CELF5: variants seen among roughly 807,000 people sequenced by gnomAD.
CELF5 encodes CUGBP Elav-like family member 5, also known as CUG-BP and ETR-3 like factor 5.
Under a neutral mutation model 54.9 loss-of-function variants are expected in CELF5, and 6 were observed. The ratio of observed to expected loss-of-function variants is 0.11; its 90% CI spans 0.06 to 0.22. The LOEUF is 0.22. Among genes scored for constraint, CELF5 ranks in the 10% least tolerant of loss-of-function variants. The pLI, the probability that CELF5 is intolerant of heterozygous loss-of-function variation, is 1.00. For synonymous variants in CELF5, 271 were observed against 290.9 expected (o/e 0.93, Z 0.70); for missense variants, 401 against 678.6 (o/e 0.59, Z 4.54).
chr19:3,239,076 A>G (rs1225063887), intron 1 of CELF5, among the ~76,000 whole-genome samples: 1 of 151,988 alleles, frequency 6.6e-6, no homozygotes, highest in South Asian at 2.1e-4. Context: ...CAGAGTGGCT[A>G]TATCTTTTTT....
At chr19:3,264,305 T>TG (rs948653185) in intron 2 of CELF5, among the ~76,000 whole-genome samples, 13 of 150,248 alleles carry the variant, frequency 8.7e-5, no homozygotes, top group Non-Finnish European at 1.3e-4. Flanking sequence ...CACTAGGTGT[T>TG]TTTTTTTTTT....
chr19:3,255,090 T>C (rs1418942549), intron 2 of CELF5, among the ~76,000 whole-genome samples: 3 of 152,178 alleles, frequency 2.0e-5, no homozygotes, highest in African/African-American at 7.2e-5. Flanking sequence ...ACTCCCATCA[T>C]CAGTTCTGTG....
intron 1 of CELF5, among the ~76,000 whole-genome samples, chr19:3,238,672 C>T (rs1447759554): frequency 6.6e-6 from 1 of 152,122 alleles, no homozygotes; most frequent in Admixed American, 6.5e-5. Context: ...TGGCTCACGC[C>T]TGTAATCCCA....
At chr19:3,233,708 G>A (rs757965508) in intron 1 of CELF5, among the ~76,000 whole-genome samples, 2 of 152,174 alleles carry the variant, frequency 1.3e-5, no homozygotes, top group African/African-American at 2.4e-5. Context: ...GGCAGAGAGG[G>A]AGTCGCGCAG....
At chr19:3,296,299 TTAA>T (rs1464682924) in intron 12 of CELF5, 1 of 119,562 alleles carries the variant, frequency 8.4e-6, no homozygotes, top group East Asian at 2.7e-4. Context: ...GCCAGATAAC[TTAA>T]TAAGCTCAAA....
rs377539317 is a variant in CELF5 at position 3,251,070 on chromosome 19, G to A, written c.342+3G>A. On this transcript the variant is annotated splice_donor_region_variant and intron_variant, in intron 2 of 12. Transcript: ENST00000292672. ...ACGAGCAGAAGACCTTGCCCGGAGT[G>A]AGTCCTGTGTGGTGTCTGGGGAGGA... The A allele has an allele frequency of 1.9e-6, 3 of 1,612,862 alleles. No individual in the cohort carries two copies. Among genetic ancestry groups the A allele is most frequent in the African/African-American group, 2.7e-5 (2 of 74,906 alleles).
intron 11 of CELF5, 92 bp downstream of exon 11, chr19:3,290,466 G>C: frequency 1.4e-6 from 2 of 1,413,412 alleles, no homozygotes; most frequent in Non-Finnish European, 2.0e-6. Context: ...CTCGGGACAG[G>C]GCTGTGCTGA....
chr19:3,249,646 A>C (rs1266838664), intron 1 of CELF5, among the ~76,000 whole-genome samples: 1 of 149,250 alleles, frequency 6.7e-6, no homozygotes, highest in African/African-American at 2.5e-5. Context: ...CCCGCCCCTC[A>C]CCTCTCCTGA....
chr19:3,233,202 G>T (rs991484118), intron 1 of CELF5, among the ~76,000 whole-genome samples: 1 of 152,194 alleles, frequency 6.6e-6, no homozygotes, highest in Admixed American at 6.5e-5. Context: ...TGCGAGGATG[G>T]CTTGAGCCTG....
At chr19:3,293,138 C>T (rs1283843791) in intron 11 of CELF5, among the ~76,000 whole-genome samples, 181 bp from the exon 12 acceptor site, 1 of 152,140 alleles carries the variant, frequency 6.6e-6, no homozygotes, top group East Asian at 1.9e-4. Flanking sequence ...TATACAAGTC[C>T]AGAGGTGTCA....
intron 12 of CELF5, chr19:3,296,259 C>G (rs1337677032): frequency 6.8e-6 from 1 of 146,056 alleles, no homozygotes. Flanking sequence ...TTCGTTTGGA[C>G]ATCCGGCAAG....
chr19:3,245,912 G>A (rs1040854859), intron 1 of CELF5, among the ~76,000 whole-genome samples: 2 of 152,130 alleles, frequency 1.3e-5, no homozygotes, highest in African/African-American at 4.8e-5. Context: ...ACATTTAAAA[G>A]GTTGGCAAAA....
Position 3,282,357 on chromosome 19 carries a change from C to A in CELF5, c.898C>A (p.His300Asn). The A allele has an allele frequency of 6.2e-7, 1 of 1,609,394 alleles. No homozygotes were observed. Among genetic ancestry groups the A allele is most frequent in the Non-Finnish European group, 8.5e-7 (1 of 1,179,944 alleles). Residue 300 changes from histidine (H) to asparagine (N), a missense_variant, in exon 8 of 13, where the codon CAC becomes AAC. His to Asn is a moderately conservative substitution (Grantham distance 68). This residue lies in a region of CELF5 where 143 missense variants were observed against 147.6 expected (regional missense o/e 0.97). Coordinates refer to ENST00000292672, the MANE Select transcript of CELF5 (RefSeq NM_021938.4). This position sits in a 1 kb window ranked among gnomAD's most constrained non-coding sequence, Gnocchi z 5.2. Reference sequence around the variant, plus strand: ...GACCCTCTTCCGCTCTGCAGGGCTGCACTCACCCCCGCTGCTGGGCACCAC... The same window carrying A: ...GACCCTCTTCCGCTCTGCAGGGCTGAACTCACCCCCGCTGCTGGGCACCAC... ...ATPIAPASGL[H>N]SPPLLGTTAV...
chr19:3,286,952 A>G (rs377018883), intron 10 of CELF5, among the ~76,000 whole-genome samples: 2 of 148,438 alleles, frequency 1.3e-5, no homozygotes, highest in Admixed American at 6.8e-5. Context: ...GGAGAATGGC[A>G]TGAACCCAGG....
rs1272670072 is a variant in CELF5, at chr19:3,293,462, C to T, written c.*16C>T. ...CCCCTACTGACCGCGCCCACAGCCG[C>T]CCTGAGGCTGTAGGCATGGCCCAGG... On this transcript the variant is annotated 3_prime_UTR_variant, in exon 12 of 13. Transcript: ENST00000292672. 1 of 1,613,580 alleles carries T rather than the reference C, an allele frequency of 6.2e-7. No individual in the cohort carries two copies. Among genetic ancestry groups the T allele is most frequent in the Admixed American group, 1.7e-5 (1 of 59,994 alleles).
intron 12 of CELF5, chr19:3,293,695 T>G: frequency 2.0e-6 from 1 of 491,838 alleles, no homozygotes; most frequent in Non-Finnish European, 3.7e-6. Flanking sequence ...AGGGTGGGAA[T>G]GGGGTAGGGA....
At chr19:3,250,713 G>C (rs1340801673) in intron 1 of CELF5, among the ~76,000 whole-genome samples, 1 of 152,142 alleles carries the variant, frequency 6.6e-6, no homozygotes. Context: ...CCTCCTAGGA[G>C]TGGAATCACA....
intron 2 of CELF5, among the ~76,000 whole-genome samples, chr19:3,269,682 C>T (rs2079930576): frequency 6.6e-6 from 1 of 152,206 alleles, no homozygotes; most frequent in Non-Finnish European, 1.5e-5. Flanking sequence ...CCCACCCATG[C>T]CCACAGTGCC....
chr19:3,259,577 C>T (rs1441426207), intron 2 of CELF5, among the ~76,000 whole-genome samples: 1 of 152,132 alleles, frequency 6.6e-6, no homozygotes, highest in Admixed American at 6.5e-5. Context: ...TGGGACTCAC[C>T]TCCTGTCTCC....
Sources: allele counts gnomAD v4.1 joint callset (sites outside exome capture counted in the v4.1 genomes callset), GRCh38; gene constraint gnomAD v4.1.1; regional missense constraint gnomAD v4.1.1; non-coding constraint Gnocchi (gnomAD v3.1); transcripts MANE v1.5; gene names NCBI Gene and HGNC (gene_info 2026-07-23, HGNC 2026-07-21).